Variants in ANO10 observed in about 807,000 individuals in gnomAD.
ANO10 encodes anoctamin-10.
In ANO10, 77 loss-of-function variants were observed where a neutral mutation model predicts 74.7. That is an observed-to-expected ratio of 1.03 (90% CI 0.86 to 1.25). The LOEUF is 1.25. ANO10 is among the 50% of genes most tolerant of loss of function. The pLI, the probability that ANO10 is intolerant of heterozygous loss-of-function variation, is 0.00. For missense variants in ANO10, 721 were observed against 778.1 expected (o/e 0.93, Z 0.87); for synonymous variants, 279 against 284.9 (o/e 0.98, Z 0.21).
intron 8 of ANO10, among the ~76,000 whole-genome samples, chr3:43,562,799 C>T (rs1429911574): frequency 6.6e-6 from 1 of 152,016 alleles, no homozygotes; most frequent in Non-Finnish European, 1.5e-5. Flanking sequence ...TCACCACAAA[C>T]AAAAGTCAAC....
chr3:43,420,984 A>G (rs577344222), intron 12 of ANO10, among the ~76,000 whole-genome samples: 21 of 152,338 alleles, frequency 1.4e-4, no homozygotes, highest in African/African-American at 4.8e-4. Context: ...GCACTTTGGG[A>G]GGCCAAAATG....
chr3:43,401,929 C>T lies in ANO10; in HGVS notation c.1914+30682G>A, dbSNP rs776072793. On this transcript the variant is annotated intron_variant, in intron 12 of 12. Transcript: ENST00000292246. ...TGTAGTCACTCAAGGGAGTGGGTGT[C>T]ACCCTCTGCATTTTCCTGATGATGT... 7.2e-5 allele frequency among the ~76,000 whole-genome samples: 11 copies of T among 152,128 alleles called. No homozygotes were observed. The South Asian group carries it at 1.9e-3, about 26-fold the overall frequency.
upstream of ANO10, among the ~76,000 whole-genome samples, chr3:43,622,675 C>G (rs1253046732): frequency 2.0e-5 from 3 of 152,174 alleles, no homozygotes; most frequent in East Asian, 5.8e-4. Flanking sequence ...GCCATTCCTT[C>G]TGCCCAGAAA....
At chr3:43,609,249 GT>G (rs2082701600) in intron 1 of ANO10, among the ~76,000 whole-genome samples, 2 of 152,276 alleles carry the variant, frequency 1.3e-5, no homozygotes, top group South Asian at 2.1e-4. Context: ...AATTCTGTAT[GT>G]TTTTTCCTAC....
intron 12 of ANO10, among the ~76,000 whole-genome samples, chr3:43,393,047 G>GCTCT (rs570806712): frequency 6.6e-6 from 1 of 152,202 alleles, no homozygotes; most frequent in South Asian, 2.1e-4. Flanking sequence ...GGACAGTGAG[G>GCTCT]CTCTATGTGC....
chr3:43,386,154 C>T (rs1166000906), intron 12 of ANO10, among the ~76,000 whole-genome samples: 2 of 152,156 alleles, frequency 1.3e-5, no homozygotes, highest in Non-Finnish European at 2.9e-5. Flanking sequence ...TTCAAGGATT[C>T]ACCTGCCTCT....
chr3:43,577,164 T>C lies in ANO10; in HGVS notation c.690A>G (p.Leu230=), dbSNP rs1301937072. 1 of 1,614,100 alleles carries C rather than the reference T, an allele frequency of 6.2e-7. No homozygotes were observed. The highest frequency in any genetic ancestry group is 8.5e-7 in the Non-Finnish European group (1 of 1,180,010). ...CTTCCCACACAAACAAGTAGTAAGG[T>C]AACCCAATGACAGCCATGGGGATTA... ...FALIPMAVIG[L]PYYLFVWEDY... is the part of the protein sequence containing the mutation. Residue 230 remains leucine, a synonymous_variant, in exon 6 of 13, where the codon TTA becomes TTG. Transcript: ENST00000292246.
chr3:43,616,896 T>C (rs1165678876), intron 1 of ANO10, among the ~76,000 whole-genome samples: 2 of 151,826 alleles, frequency 1.3e-5, no homozygotes, highest in African/African-American at 4.8e-5. Context: ...CCTCTGGGGA[T>C]CCCCTCTCTT....
At chr3:43,648,399 A>T (rs1406900449) in intron 1 of ANO10, among the ~76,000 whole-genome samples, 3 of 152,212 alleles carry the variant, frequency 2.0e-5, no homozygotes, top group Non-Finnish European at 4.4e-5. Context: ...AAGTGAAAGC[A>T]AGTCTATTAA....
intron 11 of ANO10, among the ~76,000 whole-genome samples, chr3:43,434,692 G>A (rs1303236963): frequency 1.3e-5 from 2 of 152,162 alleles, no homozygotes; most frequent in African/African-American, 2.4e-5. Flanking sequence ...TCCCTTGGAT[G>A]TAAGGCATCT....
At chr3:43,458,881 T>C (rs962432200) in intron 11 of ANO10, among the ~76,000 whole-genome samples, 1 of 152,168 alleles carries the variant, frequency 6.6e-6, no homozygotes, top group African/African-American at 2.4e-5. Flanking sequence ...ATTGTTCAGC[T>C]CCCACTTATG....
chr3:43,593,191 T>C (rs923253940), intron 4 of ANO10, among the ~76,000 whole-genome samples: 8 of 152,216 alleles, frequency 5.3e-5, no homozygotes, highest in African/African-American at 1.9e-4. Context: ...CTCTTCAGGA[T>C]ATTATCCAAG....
At chr3:43,662,106 C>A (rs1041642493) in intron 1 of ANO10, among the ~76,000 whole-genome samples, 2 of 152,182 alleles carry the variant, frequency 1.3e-5, no homozygotes, top group African/African-American at 2.4e-5. Flanking sequence ...AATATACATT[C>A]TTCTCAGCAC....
chr3:43,544,359 T>G (rs1477299720), intron 11 of ANO10, among the ~76,000 whole-genome samples: 1 of 152,032 alleles, frequency 6.6e-6, no homozygotes, highest in Non-Finnish European at 1.5e-5. Context: ...AGTGTTCAAG[T>G]GTCATCAATT....
In ANO10 at chr3:43,690,852, G is replaced by A. The variant is rs954279514; in HGVS notation, c.-12+665C>T. 87 of 853,702 alleles carry A rather than the reference G, an allele frequency of 1.0e-4. 1 individual carries two copies. The African/African-American group carries it at 1.5e-3, about 15-fold the overall frequency. 52.9% of individuals were successfully genotyped at this position (853,702 alleles called of 1,614,324 possible). On this transcript the variant is annotated intron_variant, in intron 1 of 3. Coordinates refer to the ANO10 transcript ENST00000413397. ...AGGCCGCGCACGCGCAAACGCGGGC[G>A]CGCCGCCGGGCCGTGCTAGTGCGCG...
At chr3:43,554,191 T>C (rs1447593601) in intron 10 of ANO10, among the ~76,000 whole-genome samples, 1 of 151,012 alleles carries the variant, frequency 6.6e-6, no homozygotes, top group African/African-American at 2.4e-5. Context: ...TTTTTCTTTT[T>C]TTTTTTTTTT....
chr3:43,550,986 G>A (rs947502669), intron 10 of ANO10, among the ~76,000 whole-genome samples: 1 of 151,940 alleles, frequency 6.6e-6, no homozygotes, highest in African/African-American at 2.4e-5. Flanking sequence ...ATACTGTCAG[G>A]CCCCTTGCTT....
At chr3:43,574,986 T>C (rs1575463662) in intron 6 of ANO10, 122 bp from the exon 7 acceptor site, 1 of 763,620 alleles carries the variant, frequency 1.3e-6, no homozygotes, top group Non-Finnish European at 2.3e-6. Context: ...AGTCAGTAAA[T>C]GTACTAGGCT....
intron 11 of ANO10, among the ~76,000 whole-genome samples, chr3:43,538,585 G>A (rs918228581): frequency 9.9e-5 from 15 of 152,160 alleles, no homozygotes; most frequent in Admixed American, 8.5e-4. Flanking sequence ...CAGGCATAAA[G>A]AACTGGGATC....
Sources: gnomAD v4.1 joint callset for allele counts (sites outside exome capture counted in the v4.1 genomes callset) on GRCh38, gnomAD v4.1.1 for gene constraint, MANE v1.5 for transcripts, NCBI Gene and HGNC (gene_info 2026-07-23, HGNC 2026-07-21) for gene names.